Variants in ANKFY1 observed in about 807,000 individuals in gnomAD.
ANKFY1 encodes ankyrin repeat and FYVE domain-containing protein 1.
In ANKFY1, 47 loss-of-function variants were observed where a neutral mutation model predicts 128.3. The observed-to-expected ratio is 0.37, with a 90% CI of 0.29 to 0.47. The LOEUF (loss-of-function observed/expected upper bound fraction) is 0.47, where lower values mean the gene tolerates loss of function less well. Among genes scored for constraint, ANKFY1 ranks in the 20% least tolerant of loss-of-function variants. The pLI is 1.00. For missense variants in ANKFY1, 1,222 were observed against 1,510.6 expected (o/e 0.81, Z 3.17); for synonymous variants, 553 against 601.6 (o/e 0.92, Z 1.18).
At position 4,262,968 on chromosome 17, in the gene ANKFY1, C is replaced by G. The variant is rs80346682; in HGVS notation, c.10+964G>C. On this transcript the variant is annotated intron_variant, in intron 1 of 24. Coordinates refer to ENST00000341657, the MANE Select transcript of ANKFY1 (RefSeq NM_001330063.2). ...GGGTTCAGTCAAAGCTCAAAACCAA[C>G]AGGAAAGGTCGTGGCCAAGCACACT... is the stretch of plus-strand genomic sequence containing the variant. Among the ~76,000 whole-genome samples the G allele has an allele frequency of 4.9e-3, 745 of 152,252 alleles. 5 individuals are homozygous for G. Among genetic ancestry groups the G allele is most frequent in the African/African-American group, 0.017 (725 of 41,542 alleles).
chr17:4,179,652 C>A lies in ANKFY1; in HGVS notation c.2397+69G>T, dbSNP rs537705672. The A allele has an allele frequency of 6.3e-6, 10 of 1,575,994 alleles. No individual in the cohort carries two copies. In the East Asian group the frequency reaches 2.2e-4, roughly 35 times the overall value. On this transcript the variant is annotated intron_variant, in intron 17 of 24. Coordinates refer to ENST00000341657, the MANE Select transcript of ANKFY1 (RefSeq NM_001330063.2). ...GGAACTGGGGACTGTGCAAGGTCCT[C>A]TGCCATAGGAGGAGGCTTCCCTCAT...
At chr17:4,179,330 A>G (rs2059466804) in intron 17 of ANKFY1, 1 of 549,834 alleles carries the variant, frequency 1.8e-6, no homozygotes, top group East Asian at 3.2e-5. Flanking sequence ...ACCACTCCTT[A>G]TCTGGCTATA....
At chr17:4,260,482 G>A (rs976718368) in intron 1 of ANKFY1, among the ~76,000 whole-genome samples, 55 of 151,956 alleles carry the variant, frequency 3.6e-4, no homozygotes, top group African/African-American at 1.3e-3. Context: ...CCAATGTGGT[G>A]GCATGCACAT....
At chr17:4,242,550 G>C in intron 1 of ANKFY1, 102 bp from the exon 2 acceptor site, 1 of 1,019,670 alleles carries the variant, frequency 9.8e-7, no homozygotes. Flanking sequence ...AAAGTGACTG[G>C]CCACTTGACC....
At chr17:4,214,348 T>C (rs1349812254) in intron 4 of ANKFY1, among the ~76,000 whole-genome samples, 1 of 152,210 alleles carries the variant, frequency 6.6e-6, no homozygotes, top group African/African-American at 2.4e-5. Context: ...GTAACTGACA[T>C]GATTTACGCA....
intron 2 of ANKFY1, among the ~76,000 whole-genome samples, chr17:4,240,424 C>G (rs1227604980): frequency 2.0e-5 from 3 of 151,548 alleles, no homozygotes; most frequent in African/African-American, 4.9e-5. Context: ...CAGGGTCTCT[C>G]TCTGTCTCCC....
chr17:4,240,418 GTCTC>G (rs1967150423), intron 2 of ANKFY1, among the ~76,000 whole-genome samples: 1 of 150,572 alleles, frequency 6.6e-6, no homozygotes. Flanking sequence ...TTAAGACAGG[GTCTC>G]TCTCTGTCTC....
chr17:4,195,897 G>A (rs2143010214), intron 8 of ANKFY1, among the ~76,000 whole-genome samples: 1 of 152,048 alleles, frequency 6.6e-6, no homozygotes, highest in South Asian at 2.1e-4. Flanking sequence ...GATGAAAGCG[G>A]CATTTAACCC....
At chr17:4,231,425 G>C (rs971286397) in intron 3 of ANKFY1, among the ~76,000 whole-genome samples, 2 of 151,968 alleles carry the variant, frequency 1.3e-5, no homozygotes, top group Admixed American at 6.6e-5. Flanking sequence ...GGAGTTCAAG[G>C]CTTCAGTGAG....
intron 17 of ANKFY1, 164 bp downstream of exon 17, chr17:4,179,557 G>GA (rs1409251063): frequency 1.1e-6 from 1 of 895,090 alleles, no homozygotes; most frequent in Non-Finnish European, 1.7e-6. Context: ...CAAAGGCACA[G>GA]AGAAGCACAG....
At chr17:4,237,787 T>C (rs1327980478) in intron 2 of ANKFY1, among the ~76,000 whole-genome samples, 1 of 152,184 alleles carries the variant, frequency 6.6e-6, no homozygotes, top group African/African-American at 2.4e-5. Context: ...GGATTCTATG[T>C]TGAAACAATT....
Position 4,165,073 on chromosome 17 carries a change from T to A in ANKFY1, c.*2706A>T, listed in dbSNP as rs1475943829. 1.3e-5 allele frequency: 2 copies of A among 152,304 alleles called. No individual in the cohort carries two copies. The highest frequency in any genetic ancestry group is 2.4e-5 in the African/African-American group (1 of 41,446). 9.4% of individuals were successfully genotyped at this position (152,304 alleles called of 1,614,324 possible). A position where few individuals can be genotyped will look rare whatever the true frequency, so the allele number is the denominator to read the frequency against. ...TGACTGAAAGTTCAAAAGTCCTAAG[T>A]GTAGGCACTTAAGTTTATGGGAAAT... On this transcript the variant is annotated 3_prime_UTR_variant, in exon 25 of 25. Coordinates refer to ENST00000341657, the MANE Select transcript of ANKFY1 (RefSeq NM_001330063.2).
chr17:4,256,587 A>G (rs1365141523), intron 1 of ANKFY1, among the ~76,000 whole-genome samples: 1 of 152,138 alleles, frequency 6.6e-6, no homozygotes, highest in Non-Finnish European at 1.5e-5. Context: ...GGAGTCGGAG[A>G]TAACTTTTTG....
rs571569445 is a variant in ANKFY1 at position 4,207,126 on chromosome 17, C to A, written c.733-640G>T. ...GCCCGACCTATCTAACCACAGAGGG[C>A]CCGACCCATCTAACCACAGAGGGCC... On this transcript the variant is annotated intron_variant, in intron 6 of 24. Coordinates refer to ENST00000341657, the MANE Select transcript of ANKFY1 (RefSeq NM_001330063.2). Among the ~76,000 whole-genome samples the A allele has an allele frequency of 2.6e-5, 4 of 152,248 alleles. No homozygotes were observed. The East Asian group carries it at 7.7e-4, about 29-fold the overall frequency.
At chr17:4,255,607 T>C (rs999920458) in intron 1 of ANKFY1, among the ~76,000 whole-genome samples, 1 of 152,138 alleles carries the variant, frequency 6.6e-6, no homozygotes, top group African/African-American at 2.4e-5. Flanking sequence ...TTTAACTATG[T>C]CCATTAGATA....
At chr17:4,186,881 T>C (rs1166895997) in intron 11 of ANKFY1, 1 of 1,046,548 alleles carries the variant, frequency 9.6e-7, no homozygotes, top group African/African-American at 1.7e-5. Flanking sequence ...CACTGCCTGT[T>C]AGACATCCCT....
At chr17:4,197,264 G>A (rs903068096) in intron 8 of ANKFY1, 109 bp downstream of exon 8, 3 of 1,175,528 alleles carry the variant, frequency 2.6e-6, no homozygotes, top group African/African-American at 1.5e-5. Flanking sequence ...AAATAAGACT[G>A]AATAATGCCA....
rs8072738 is a variant in ANKFY1, at chr17:4,228,871, C to A, written c.322+6901G>T. Among the ~76,000 whole-genome samples the A allele has an allele frequency of 1.3e-4, 20 of 152,182 alleles. No individual in the cohort carries two copies. In the East Asian group the frequency reaches 3.5e-3, roughly 26 times the overall value. On this transcript the variant is annotated intron_variant, in intron 3 of 24. Coordinates refer to ENST00000341657, the MANE Select transcript of ANKFY1 (RefSeq NM_001330063.2). The stretch of plus-strand genomic sequence containing the variant: ...AAAGAAACCAAACTGACAGGCAGCA[C>A]GGCACTGTGGTTAATGGCACGAATT...
At chr17:4,187,601 T>C in intron 11 of ANKFY1, 1 of 253,880 alleles carries the variant, frequency 3.9e-6, no homozygotes, top group Non-Finnish European at 7.4e-6. Context: ...CTAGTTTTGC[T>C]ATGAAGGGTA....
Sources: gnomAD v4.1 joint callset for allele counts (sites outside exome capture counted in the v4.1 genomes callset) on GRCh38, gnomAD v4.1.1 for gene constraint, MANE v1.5 for transcripts, NCBI Gene and HGNC (gene_info 2026-07-23, HGNC 2026-07-21) for gene names.